Variants in GADL1 observed in about 807,000 individuals in gnomAD.
The protein encoded by GADL1 is GAD like acidic amino acid decarboxylase 1.
In GADL1, 71 loss-of-function variants were observed where a neutral mutation model predicts 69.5. The ratio of observed to expected loss-of-function variants is 1.02; its 90% confidence interval spans 0.84 to 1.25. The LOEUF (loss-of-function observed/expected upper bound fraction) is 1.25, where lower values mean the gene tolerates loss of function less well. Among genes scored for constraint, GADL1 ranks in the 50% most tolerant of loss-of-function variants. The pLI, the probability that GADL1 is intolerant of heterozygous loss-of-function variation, is 0.00. For synonymous variants in GADL1, 254 were observed against 214.4 expected (o/e 1.18, Z -1.62); for missense variants, 737 against 631.8 (o/e 1.17, Z -1.79).
chr3:30,734,310 G>A (rs932496225), intron 14 of GADL1, among the ~76,000 whole-genome samples: 6 of 152,258 alleles, frequency 3.9e-5, no homozygotes, highest in Admixed American at 3.3e-4. Flanking sequence ...TCAACAATAT[G>A]TCTCATACAA....
At chr3:30,777,834 GT>G (rs1696571230) in intron 14 of GADL1, among the ~76,000 whole-genome samples, 1 of 152,130 alleles carries the variant, frequency 6.6e-6, no homozygotes, top group African/African-American at 2.4e-5. Context: ...AAGTAAGGTG[GT>G]ACAACAGTCA....
intron 14 of GADL1, among the ~76,000 whole-genome samples, chr3:30,740,644 C>A (rs180950149): frequency 1.3e-3 from 200 of 152,102 alleles, no homozygotes; most frequent in African/African-American, 4.7e-3. Flanking sequence ...CTATTCAACT[C>A]CTACTTTCTT....
At chr3:30,819,887 A>G (rs1327252256) in intron 11 of GADL1, among the ~76,000 whole-genome samples, 1 of 152,096 alleles carries the variant, frequency 6.6e-6, no homozygotes, top group Non-Finnish European at 1.5e-5. Flanking sequence ...AGAGCAGAAA[A>G]TTAATAGTTC....
At chr3:30,894,330 A>C (rs890172565) in intron 1 of GADL1, among the ~76,000 whole-genome samples, 2 of 152,232 alleles carry the variant, frequency 1.3e-5, no homozygotes, top group Non-Finnish European at 2.9e-5. Flanking sequence ...GCATTTATTT[A>C]ACAAACGCCC....
intron 14 of GADL1, among the ~76,000 whole-genome samples, chr3:30,777,223 A>G (rs1208696364): frequency 1.3e-5 from 2 of 152,062 alleles, no homozygotes; most frequent in African/African-American, 4.8e-5. Flanking sequence ...TAAGGGGAAA[A>G]TAGGCTATGG....
At chr3:30,769,386 G>GCACACACA (rs142076789) in intron 14 of GADL1, among the ~76,000 whole-genome samples, 60 of 151,610 alleles carry the variant, frequency 4.0e-4, no homozygotes, top group Non-Finnish European at 7.2e-4. Flanking sequence ...ATGCACACAC[G>GCACACACA]CACACACACA....
chr3:30,746,888 C>A (rs1559485488), intron 14 of GADL1, among the ~76,000 whole-genome samples: 1 of 152,066 alleles, frequency 6.6e-6, no homozygotes, highest in Non-Finnish European at 1.5e-5. Flanking sequence ...GCCAGCAATG[C>A]AGGGGAGTGA....
intron 2 of GADL1, among the ~76,000 whole-genome samples, chr3:30,861,211 C>T (rs1039549049): frequency 6.6e-6 from 1 of 151,678 alleles, no homozygotes; most frequent in Non-Finnish European, 1.5e-5. Flanking sequence ...TCATGAACAA[C>T]ATGAAGAGTG....
intron 14 of GADL1, among the ~76,000 whole-genome samples, chr3:30,736,842 G>A (rs1695547822): frequency 6.6e-6 from 1 of 152,082 alleles, no homozygotes; most frequent in African/African-American, 2.4e-5. Context: ...AAAATTTATT[G>A]TGGGCAGGGA....
At chr3:30,876,811 G>A (rs1313011237) in intron 1 of GADL1, among the ~76,000 whole-genome samples, 1 of 151,908 alleles carries the variant, frequency 6.6e-6, no homozygotes, top group Non-Finnish European at 1.5e-5. Flanking sequence ...TTCACATGTG[G>A]TAACACTAAT....
At chr3:30,851,227 G>T (rs6792186) in intron 4 of GADL1, among the ~76,000 whole-genome samples, 36,569 of 152,092 alleles carry the variant, frequency 0.24, 4,951 homozygotes, top group East Asian at 0.55. Context: ...GCATTTGCGT[G>T]CTATGTATTA....
At chr3:30,864,909 T>C (rs1301453519) in intron 1 of GADL1, among the ~76,000 whole-genome samples, 1 of 152,002 alleles carries the variant, frequency 6.6e-6, no homozygotes, top group African/African-American at 2.4e-5. Flanking sequence ...CCCCTCATTT[T>C]CTGTGGACTA....
intron 14 of GADL1, among the ~76,000 whole-genome samples, chr3:30,766,963 T>C (rs1696296244): frequency 1.3e-5 from 2 of 152,196 alleles, no homozygotes; most frequent in Admixed American, 6.5e-5. Flanking sequence ...CTGGGGCTCA[T>C]ATAGTCCTTC....
intron 8 of GADL1, among the ~76,000 whole-genome samples, chr3:30,839,522 A>AAAAAAAGAAAAAG (rs1235367070): frequency 6.6e-6 from 1 of 150,784 alleles, no homozygotes; most frequent in African/African-American, 2.5e-5. Flanking sequence ...CTCAAAAAAA[A>AAAAAAAGAAAAAG]AAAAAGGTTG....
At chr3:30,818,301 A>ATATAAT in intron 11 of GADL1, among the ~76,000 whole-genome samples, 1 of 152,338 alleles carries the variant, frequency 6.6e-6, no homozygotes, top group Non-Finnish European at 1.5e-5. Context: ...TTAAAAGCAA[A>ATATAAT]TATAATTGTT....
chr3:30,820,707 C>A (rs1191639539), intron 11 of GADL1, among the ~76,000 whole-genome samples: 1 of 152,104 alleles, frequency 6.6e-6, no homozygotes, highest in Non-Finnish European at 1.5e-5. Context: ...AATAGGAACA[C>A]TTTTACACTG....
At chr3:30,802,351 C>T (rs930086114) in intron 11 of GADL1, among the ~76,000 whole-genome samples, 1 of 152,170 alleles carries the variant, frequency 6.6e-6, no homozygotes, top group Non-Finnish European at 1.5e-5. Context: ...TCTCATTAAG[C>T]TATCAAGACA....
chr3:30,865,281 A>T (rs184857912), intron 1 of GADL1, among the ~76,000 whole-genome samples: 12,197 of 106,860 alleles, frequency 0.11, 695 homozygotes, highest in Middle Eastern at 0.14. Flanking sequence ...ACCCACGTAA[A>T]TTAATATATA....
intron 14 of GADL1, among the ~76,000 whole-genome samples, chr3:30,763,133 C>CTG (rs1334404374): frequency 6.6e-6 from 1 of 152,136 alleles, no homozygotes; most frequent in Non-Finnish European, 1.5e-5. Flanking sequence ...AAGTAGAACT[C>CTG]TGTATGTGTA....
Sources: gnomAD v4.1 joint callset for allele counts (sites outside exome capture counted in the v4.1 genomes callset) on GRCh38, gnomAD v4.1.1 for gene constraint, MANE v1.5 for transcripts, NCBI Gene and HGNC (gene_info 2026-07-23, HGNC 2026-07-21) for gene names.